PLEKHG4B: variants seen among roughly 807,000 people sequenced by gnomAD.
The protein encoded by PLEKHG4B is pleckstrin homology and RhoGEF domain containing G4B, also known as pleckstrin homology domain-containing family G member 4B.
PLEKHG4B carries 111 observed loss-of-function variants against 121.3 expected under a neutral mutation model. The observed-to-expected ratio is 0.92, with a 90% CI of 0.78 to 1.07. The LOEUF (loss-of-function observed/expected upper bound fraction) is 1.07. PLEKHG4B is among the 50% of genes least tolerant of loss of function. PLEKHG4B has a pLI of 0.00. For missense variants in PLEKHG4B, 1,831 were observed against 1,757.8 expected, an observed-to-expected ratio of 1.04 and a Z score of -0.74; for synonymous variants, 738 against 725.0, an observed-to-expected ratio of 1.02 and a Z score of -0.29.
Position 172,958 on chromosome 5 carries a change from G to C in PLEKHG4B, c.4112G>C (p.Arg1371Thr). 6.2e-7 allele frequency: 1 copy of C among 1,614,186 alleles called. No individual in the cohort carries two copies. The highest frequency in any genetic ancestry group is 8.5e-7 in the Non-Finnish European group (1 of 1,180,038). ...GATGAGTTTATCGTTTGCTGCGGGA[G>C]GAAGAAGTATCTGAGGCATGTGTTC... Reference protein sequence around the residue: ...CRDEFIVCCGRKKYLRHVFLF... With the variant: ...CRDEFIVCCGTKKYLRHVFLF... The change falls in exon 17 of 20, where the codon AGG (arginine) becomes ACG (threonine). Residue 1371 changes from arginine to threonine, a missense_variant. Arg to Thr is a moderately conservative substitution (Grantham distance 71, BLOSUM62 -1). Coordinates refer to ENST00000637938, the MANE Select transcript of PLEKHG4B (RefSeq NM_052909.5).
chr5:180,866 G>A (rs1476704067), intron 18 of PLEKHG4B, among the ~76,000 whole-genome samples: 3 of 152,188 alleles, frequency 2.0e-5, no homozygotes, highest in Non-Finnish European at 2.9e-5. Context: ...ACCTATTGGT[G>A]AAGATGATCA....
chr5:104,309 C>T (rs1197894120), intron 1 of PLEKHG4B, among the ~76,000 whole-genome samples: 1 of 152,160 alleles, frequency 6.6e-6, no homozygotes, highest in Non-Finnish European at 1.5e-5. Context: ...CAGCCCAGTC[C>T]CAGCACTGAC....
At chr5:136,535 C>T (rs1410611361) in intron 2 of PLEKHG4B, among the ~76,000 whole-genome samples, 1 of 152,108 alleles carries the variant, frequency 6.6e-6, no homozygotes, top group Non-Finnish European at 1.5e-5. Context: ...AGAAAACATA[C>T]AAGTGTCCAA....
At chr5:175,456 A>C (rs1736731672) in intron 18 of PLEKHG4B, among the ~76,000 whole-genome samples, 1 of 151,940 alleles carries the variant, frequency 6.6e-6, no homozygotes, top group Non-Finnish European at 1.5e-5. Flanking sequence ...GTCCTGCCCC[A>C]GCACCTCACG....
chr5:166,654 C>G (rs1328470893), intron 13 of PLEKHG4B, among the ~76,000 whole-genome samples: 1 of 152,028 alleles, frequency 6.6e-6, no homozygotes, highest in Non-Finnish European at 1.5e-5. Context: ...GCTGGGCGGC[C>G]TGGTTCCTAA....
intron 1 of PLEKHG4B, among the ~76,000 whole-genome samples, chr5:92,681 A>G (rs1179062119): frequency 6.6e-6 from 1 of 151,446 alleles, no homozygotes; most frequent in Non-Finnish European, 1.5e-5. Context: ...CGGGAGAAGA[A>G]ATAACGCTTT....
intron 1 of PLEKHG4B, among the ~76,000 whole-genome samples, chr5:110,339 C>CGT (rs1343256085): frequency 6.2e-5 from 9 of 145,794 alleles, no homozygotes; most frequent in South Asian, 4.3e-4. Flanking sequence ...GTCTGCAACA[C>CGT]GTGCACACAC....
chr5:110,227 A>C (rs573014218), intron 1 of PLEKHG4B, among the ~76,000 whole-genome samples: 11 of 144,108 alleles, frequency 7.6e-5, no homozygotes, highest in African/African-American at 2.9e-4. Flanking sequence ...CAACACATGC[A>C]CACACCGGCC....
intron 14 of PLEKHG4B, among the ~76,000 whole-genome samples, chr5:169,843 G>T (rs1294514748): frequency 3.3e-5 from 5 of 152,218 alleles, no homozygotes; most frequent in African/African-American, 1.2e-4. Flanking sequence ...GGAGGCGGAG[G>T]CTCACAGACA....
intron 13 of PLEKHG4B, among the ~76,000 whole-genome samples, chr5:164,627 A>AGCAGAGCTCACAGTAATGCTCTGACGG (rs1736200434): frequency 2.8e-5 from 3 of 108,036 alleles, no homozygotes; most frequent in East Asian, 5.4e-4. Flanking sequence ...GCTGTGACGG[A>AGCAGAGCTCACAGTAATGCTCTGACGG]GCGGAGCTCA....
chr5:107,275 G>T (rs1364853908), intron 1 of PLEKHG4B, among the ~76,000 whole-genome samples: 1 of 152,176 alleles, frequency 6.6e-6, no homozygotes, highest in African/African-American at 2.4e-5. Context: ...TGCTGTCAGG[G>T]ACCCTGGACC....
In PLEKHG4B at chr5:104,952, C is replaced by T. The variant is rs956428857; in HGVS notation, c.46-8299C>T. On this transcript the variant is annotated intron_variant, in intron 1 of 19. Coordinates refer to ENST00000637938, the MANE Select transcript of PLEKHG4B (RefSeq NM_052909.5). The stretch of plus-strand genomic sequence containing the variant: ...ACTGCACAGGGGGTGAGGGCTGTTC[C>T]AGTTCTGGTGTTCCCGTCCTGAAGG... Among the ~76,000 whole-genome samples the T allele has an allele frequency of 7.5e-4, 106 of 140,768 alleles. 1 individual carries two copies. In the South Asian group the frequency reaches 0.02, roughly 26 times the overall value. The allele number at this position is 140,768 out of a possible 152,430, so 92.3% of individuals were successfully genotyped here. A position where few individuals can be genotyped will look rare whatever the true frequency, so the allele number is the denominator to read the frequency against.
chr5:156,146 A>G lies in PLEKHG4B; in HGVS notation c.2284A>G (p.Arg762Gly). The G allele has an allele frequency of 6.3e-7, 1 of 1,595,556 alleles. No homozygotes were observed. The highest frequency in any genetic ancestry group is 8.5e-7 in the Non-Finnish European group (1 of 1,171,110). ...VLEDPLLVSL[R>G]LEGGTVLARL... is the part of the protein sequence containing the mutation. The stretch of plus-strand genomic sequence containing the variant: ...GGAAGACCCACTGCTTGTGTCTCTC[A>G]GGCTGGAGGGGGGCACCGTCCTGGC... Residue 762 changes from arginine (R) to glycine (G), a missense_variant, in exon 10 of 20, where the codon AGG (arginine) becomes GGG (glycine). By Grantham distance (125) the Arg-to-Gly change is moderately radical. Transcript: ENST00000637938. The surrounding 1 kb of genome is among the most constrained non-coding windows in gnomAD (Gnocchi z 4.4).
At position 184,984 on chromosome 5, in the gene PLEKHG4B, T is replaced by C. The variant is rs1733573840; in HGVS notation, c.*2661T>C. ...AGCGTGATGGCTGGGAGACGCTGGATGTGATACGTGAAGTGAGGGGTATCA... is the reference window on the plus strand; with the variant it reads ...AGCGTGATGGCTGGGAGACGCTGGACGTGATACGTGAAGTGAGGGGTATCA... On this transcript the variant is annotated 3_prime_UTR_variant, in exon 20 of 20. Coordinates refer to ENST00000637938, the MANE Select transcript of PLEKHG4B (RefSeq NM_052909.5). 1 of 152,256 alleles carries C rather than the reference T, an allele frequency of 6.6e-6. No homozygotes were observed. The highest frequency in any genetic ancestry group is 1.9e-4 in the East Asian group (1 of 5,202). The allele number at this position is 152,256 out of a possible 1,614,324, so 9.4% of individuals were successfully genotyped here. A position where few individuals can be genotyped will look rare whatever the true frequency, so the allele number is the denominator to read the frequency against.
rs532271660 is a variant in PLEKHG4B at position 143,146 on chromosome 5, C to T, written c.1577C>T (p.Pro526Leu). ...PSDVPARQPH[P>L]EQEGWPPGTG... Reference sequence around the variant, plus strand: ...GATGTGCCTGCCCGGCAGCCACACCCCGAGCAAGAAGGGTGGCCACCCGGC... The same window carrying T: ...GATGTGCCTGCCCGGCAGCCACACCTCGAGCAAGAAGGGTGGCCACCCGGC... The change falls in exon 4 of 20, where the codon CCC (proline) becomes CTC (leucine). Residue 526 changes from proline to leucine, a missense_variant. By Grantham distance (98) the Pro-to-Leu change is moderately conservative (BLOSUM62 -3). Transcript: ENST00000637938. The T allele has an allele frequency of 1.2e-6, 2 of 1,612,614 alleles. No individual in the cohort carries two copies. The highest frequency in any genetic ancestry group is 3.3e-5 in the Admixed American group (2 of 60,032).
chr5:165,438 G>C (rs1288789565), intron 13 of PLEKHG4B, among the ~76,000 whole-genome samples: 1 of 46,732 alleles, frequency 2.1e-5, no homozygotes, highest in African/African-American at 8.6e-5. Flanking sequence ...TCACACTAAT[G>C]CTCTGATGGG....
At chr5:120,147 G>A (rs998098499) in intron 2 of PLEKHG4B, among the ~76,000 whole-genome samples, 6 of 152,152 alleles carry the variant, frequency 3.9e-5, no homozygotes, top group African/African-American at 1.4e-4. Flanking sequence ...CAGCTACTTG[G>A]GAGGCAGAGG....
intron 1 of PLEKHG4B, among the ~76,000 whole-genome samples, chr5:106,727 G>T (rs1185121088): frequency 6.6e-6 from 1 of 152,240 alleles, no homozygotes; most frequent in Admixed American, 6.5e-5. Context: ...GTGAGAGCCG[G>T]AGCCCAGGGT....
intron 2 of PLEKHG4B, among the ~76,000 whole-genome samples, chr5:128,019 G>A (rs1385030602): frequency 2.0e-4 from 30 of 152,228 alleles, no homozygotes; most frequent in Non-Finnish European, 2.9e-5. Context: ...TAGAAAGGGA[G>A]TGTTCAGGTA....
Sources: gnomAD v4.1 joint callset for allele counts (sites outside exome capture counted in the v4.1 genomes callset) on GRCh38, gnomAD v4.1.1 for gene constraint, Gnocchi (gnomAD v3.1) non-coding constraint, MANE v1.5 for transcripts, NCBI Gene and HGNC (gene_info 2026-07-23, HGNC 2026-07-21) for gene names.